The following PIP4K2B variants were observed in gnomAD, a reference collection of about 807,000 sequenced individuals.
PIP4K2B encodes phosphatidylinositol 5-phosphate 4-kinase type-2 beta.
Under a neutral mutation model 42.0 loss-of-function variants are expected in PIP4K2B, and 3 were observed. The observed-to-expected ratio is 0.07, with a 90% CI of 0.03 to 0.18. The LOEUF (loss-of-function observed/expected upper bound fraction) is 0.18, where lower values mean the gene tolerates loss of function less well. Ranked by LOEUF, PIP4K2B falls within the 10% of genes least tolerant of loss-of-function variation. The probability of loss-of-function intolerance (pLI) is 1.00; values close to 1 mark genes in which losing one functional copy is unlikely to be tolerated. For synonymous variants in PIP4K2B, 204 were observed against 210.1 expected, an observed-to-expected ratio of 0.97 and a Z score of 0.25; for missense variants, 332 against 562.3, an observed-to-expected ratio of 0.59 and a Z score of 4.14.
rs1908762697 is a variant in PIP4K2B, at chr17:38,767,459, AAAC to A, written c.*2229_*2231del. On this transcript the variant is annotated 3_prime_UTR_variant, in exon 10 of 10. Transcript: ENST00000619039. ...GACCCAGTCAACAATACTGTCAGAA[AAAC>A]AAAAAGCATTTGAAACAGAATGCTA... is the stretch of plus-strand genomic sequence containing the variant. 1 of 152,482 alleles carries A rather than the reference AAAC, an allele frequency of 6.6e-6. No homozygotes were observed. The allele number at this position is 152,482 out of a possible 1,614,324, so 9.4% of individuals were successfully genotyped here.
At chr17:38,795,369 G>A (rs1198192727) in intron 1 of PIP4K2B, among the ~76,000 whole-genome samples, 2 of 152,252 alleles carry the variant, frequency 1.3e-5, no homozygotes, top group East Asian at 3.9e-4. Context: ...TCCTTTGGGA[G>A]GCCAAGGCGG....
intron 1 of PIP4K2B, among the ~76,000 whole-genome samples, chr17:38,793,871 CAAAAAAACAAACAAAA>C (rs1910475305): frequency 7.6e-6 from 1 of 130,722 alleles, no homozygotes; most frequent in African/African-American, 3.1e-5. Context: ...GACCCTGCCT[CAAAAAAACAAACAAAA>C]AAAAAAACAA....
rs529186306 is a variant in PIP4K2B, at chr17:38,777,142, G to A, written c.807+545C>T. On this transcript the variant is annotated intron_variant, in intron 7 of 9. Transcript: ENST00000619039. ...TGTAGTGGTGAGACCACAGCTCACTGCAGCCTCATCTCCCGGGCTCAAACA... is the reference window on the plus strand; with the variant it reads ...TGTAGTGGTGAGACCACAGCTCACTACAGCCTCATCTCCCGGGCTCAAACA... 2.0e-5 allele frequency among the ~76,000 whole-genome samples: 3 copies of A among 152,280 alleles called. No individual in the cohort carries two copies. The East Asian group carries it at 5.8e-4, about 29-fold the overall frequency.
At chr17:38,793,700 G>T (rs941216033) in intron 1 of PIP4K2B, among the ~76,000 whole-genome samples, 2 of 151,988 alleles carry the variant, frequency 1.3e-5, no homozygotes, top group Non-Finnish European at 2.9e-5. Flanking sequence ...GCAAAACCCC[G>T]ACTCTTCAAA....
At chr17:38,779,328 C>T in intron 5 of PIP4K2B, 55 bp downstream of exon 5, 1 of 1,558,796 alleles carries the variant, frequency 6.4e-7, no homozygotes, top group Non-Finnish European at 8.8e-7. Context: ...GTAGTGGCCC[C>T]TTCGGGGCTC....
chr17:38,786,366 G>C (rs1022491039), intron 2 of PIP4K2B, among the ~76,000 whole-genome samples: 1 of 152,200 alleles, frequency 6.6e-6, no homozygotes. Flanking sequence ...GTGCTACTCT[G>C]GATAGTGCCC....
At position 38,768,199 on chromosome 17, in the gene PIP4K2B, T is replaced by C. The variant is rs894741369; in HGVS notation, c.*1492A>G. 1.3e-5 allele frequency: 2 copies of C among 152,240 alleles called. No homozygotes were observed. The highest frequency in any genetic ancestry group is 6.5e-5 in the Admixed American group (1 of 15,284). 9.4% of individuals were successfully genotyped at this position (152,240 alleles called of 1,614,324 possible). A position where few individuals can be genotyped will look rare whatever the true frequency, so the allele number is the denominator to read the frequency against. On this transcript the variant is annotated 3_prime_UTR_variant, in exon 10 of 10. Coordinates refer to ENST00000619039, the MANE Select transcript of PIP4K2B (RefSeq NM_003559.5). ...CTCATCCCAAATCCCCAGTTCCTGG[T>C]TGAGGGGGTGAGAAGATGCAGGAAT...
intron 3 of PIP4K2B, among the ~76,000 whole-genome samples, chr17:38,782,768 AG>A (rs1169400596): frequency 2.0e-5 from 3 of 152,116 alleles, no homozygotes; most frequent in African/African-American, 7.2e-5. Flanking sequence ...ACTCTATCAA[AG>A]GGGTGGGGTG....
At chr17:38,776,574 C>G (rs541451798) in intron 7 of PIP4K2B, 13 of 411,634 alleles carry the variant, frequency 3.2e-5, no homozygotes, top group South Asian at 2.3e-4. Flanking sequence ...TGCAGTGAGC[C>G]GAGATCGTGC....
chr17:38,791,406 ATTTTTTTTTT>A (rs58027566), intron 1 of PIP4K2B, among the ~76,000 whole-genome samples: 45 of 91,156 alleles, frequency 4.9e-4, no homozygotes, highest in African/African-American at 2.1e-3. Context: ...CAGACTGCCA[ATTTTTTTTTT>A]TTTTTTTTTT....
At chr17:38,778,047 G>T (rs190118065) in intron 6 of PIP4K2B, among the ~76,000 whole-genome samples, 1 of 152,306 alleles carries the variant, frequency 6.6e-6, no homozygotes, top group African/African-American at 2.4e-5. Flanking sequence ...ACCAGCTCAG[G>T]GCTCAGGCAG....
intron 1 of PIP4K2B, among the ~76,000 whole-genome samples, chr17:38,791,293 A>G (rs1351267280): frequency 6.6e-6 from 1 of 151,958 alleles, no homozygotes; most frequent in Non-Finnish European, 1.5e-5. Context: ...CTACAAGATC[A>G]TGCTACACTC....
intron 4 of PIP4K2B, among the ~76,000 whole-genome samples, chr17:38,780,204 G>C (rs1909617943): frequency 6.6e-6 from 1 of 152,230 alleles, no homozygotes; most frequent in African/African-American, 2.4e-5. Flanking sequence ...AAACGGGGCG[G>C]ATGCCAGTGC....
At chr17:38,794,898 G>C (rs1265145885) in intron 1 of PIP4K2B, among the ~76,000 whole-genome samples, 1 of 150,486 alleles carries the variant, frequency 6.6e-6, no homozygotes, top group Admixed American at 6.6e-5. Context: ...CCAGGAGTTC[G>C]AGACCAGTCT....
rs1724191755 is a variant in PIP4K2B, at chr17:38,769,059, G to GC, written c.*631dup. 1 of 152,734 alleles carries GC rather than the reference G, an allele frequency of 6.5e-6. No individual in the cohort carries two copies. The highest frequency in any genetic ancestry group is 2.4e-5 in the African/African-American group (1 of 41,454). The allele number at this position is 152,734 out of a possible 1,614,324, so 9.5% of individuals were successfully genotyped here. On this transcript the variant is annotated 3_prime_UTR_variant, in exon 10 of 10. Coordinates refer to ENST00000619039, the MANE Select transcript of PIP4K2B (RefSeq NM_003559.5). The stretch of plus-strand genomic sequence containing the variant: ...ATTCCAGACAGGATGGAGGAATAAT[G>GC]CAACAGTTTTCACTTGAATCCAAGG...
rs1378735335 is a variant in PIP4K2B, at chr17:38,768,079, G to C, written c.*1612C>G. ...TGCTTCGGAAGCTGGGCTTGGCCAG[G>C]TTTGGAGGGAGCCACAGGAAACCAA... On this transcript the variant is annotated 3_prime_UTR_variant, in exon 10 of 10. Transcript: ENST00000619039. 1.3e-5 allele frequency: 2 copies of C among 152,274 alleles called. No individual in the cohort carries two copies. The highest frequency in any genetic ancestry group is 4.8e-5 in the African/African-American group (2 of 41,464). 9.4% of individuals were successfully genotyped at this position (152,274 alleles called of 1,614,324 possible). A position where few individuals can be genotyped will look rare whatever the true frequency, so the allele number is the denominator to read the frequency against.
At chr17:38,776,417 A>T (rs1306300610) in intron 7 of PIP4K2B, among the ~76,000 whole-genome samples, 1 of 152,168 alleles carries the variant, frequency 6.6e-6, no homozygotes. Context: ...AAAAGTTCAG[A>T]GATGAATGGT....
At chr17:38,778,444 C>A in intron 5 of PIP4K2B, 72 bp from the exon 6 acceptor site, 1 of 1,392,072 alleles carries the variant, frequency 7.2e-7, no homozygotes, top group Non-Finnish European at 1.0e-6. Context: ...CATGGGAGAG[C>A]CAGCAGGTGA....
At chr17:38,772,709 G>C (rs768928399) in intron 7 of PIP4K2B, among the ~76,000 whole-genome samples, 8 of 152,038 alleles carry the variant, frequency 5.3e-5, no homozygotes, top group Non-Finnish European at 1.2e-4. Context: ...AGCCTCCCAA[G>C]TAGCTGGGAC....
Sources: allele counts gnomAD v4.1 joint callset (sites outside exome capture counted in the v4.1 genomes callset), GRCh38; gene constraint gnomAD v4.1.1; transcripts MANE v1.5; gene names NCBI Gene and HGNC (gene_info 2026-07-23, HGNC 2026-07-21).